Variants in ACSL6 observed in about 807,000 individuals in gnomAD.
ACSL6 encodes long-chain-fatty-acid--CoA ligase 6.
A neutral mutation model predicts 98.2 loss-of-function variants in ACSL6; 47 were observed. That is an observed-to-expected ratio of 0.48 (90% CI 0.38 to 0.61). ACSL6 has a LOEUF of 0.61. ACSL6 is among the 20% of genes least tolerant of loss of function. ACSL6 has a pLI of 0.00. For missense variants in ACSL6, 761 were observed against 913.4 expected (o/e 0.83, Z 2.15); for synonymous variants, 362 against 336.9 (o/e 1.07, Z -0.82).
At chr5:131,979,300 A>G (rs1013554426) in intron 9 of ACSL6, among the ~76,000 whole-genome samples, 3 of 152,216 alleles carry the variant, frequency 2.0e-5, no homozygotes, top group African/African-American at 7.2e-5. Flanking sequence ...TAGGTATGAA[A>G]TCAGAAGTGT....
Position 131,972,747 on chromosome 5 carries a change from C to A in ACSL6, c.1315G>T (p.Glu439Ter), listed in dbSNP as rs1753378612. 1 of 1,614,080 alleles carries A rather than the reference C, an allele frequency of 6.2e-7. No homozygotes were observed. The highest frequency in any genetic ancestry group is 8.5e-7 in the Non-Finnish European group (1 of 1,180,046). ...ACCTGAATCTTATTAAAGAAGAGTT[C>A]ATCCCAGATACTATCATTCCTGATG... is the stretch of plus-strand genomic sequence containing the variant. ...GIIRNDSIWDELFFNKIQASL... is the reference protein window; with the variant it reads ...GIIRNDSIWD Residue 439 changes from glutamate (E) to a stop codon, truncating the protein, a stop_gained, in exon 13 of 21, where the codon GAA becomes TAA. Transcript: ENST00000651883. LOFTEE classifies it high-confidence loss of function.
At chr5:131,982,584 C>T (rs1460441387) in intron 9 of ACSL6, 1 of 152,402 alleles carries the variant, frequency 6.6e-6, no homozygotes, top group Non-Finnish European at 1.5e-5. Context: ...GAACTCCTGT[C>T]CCATCATCTC....
chr5:131,985,666 C>G (rs1387854137), intron 8 of ACSL6, among the ~76,000 whole-genome samples: 1 of 152,194 alleles, frequency 6.6e-6, no homozygotes, highest in East Asian at 1.9e-4. Flanking sequence ...GCTGAGGAAA[C>G]CTAACTGGGG....
chr5:131,954,189 T>C lies in ACSL6; in HGVS notation c.*45A>G, dbSNP rs1752280221. ...TCATTACTTTCAAGAATAACTATAA[T>C]ATTGCTAGACAGTTCATTACACTGA... is the stretch of plus-strand genomic sequence containing the variant. On this transcript the variant is annotated 3_prime_UTR_variant, in exon 21 of 21. Coordinates refer to ENST00000651883, the MANE Select transcript of ACSL6 (RefSeq NM_001009185.3). The C allele has an allele frequency of 6.5e-7, 1 of 1,529,106 alleles. No homozygotes were observed. Among genetic ancestry groups the C allele is most frequent in the African/African-American group, 1.4e-5 (1 of 70,960 alleles). 94.7% of individuals were successfully genotyped at this position (1,529,106 alleles called of 1,614,324 possible).
chr5:132,011,080 C>CGGGTTACAT lies in ACSL6; in HGVS notation c.49+416_49+424dup, dbSNP rs1363580875. Reference sequence around the variant, plus strand: ...CGGGATCAGGAAGCCTAGGTCAGTCCGGGTTACATAGCTGACCTGCTGTGG... The same window carrying CGGGTTACAT: ...CGGGATCAGGAAGCCTAGGTCAGTCCGGGTTACATGGGTTACATAGCTGACCTGCTGTGG... On this transcript the variant is annotated intron_variant, in intron 1 of 20. Coordinates refer to ENST00000651883, the MANE Select transcript of ACSL6 (RefSeq NM_001009185.3). This position sits in a 1 kb window ranked among gnomAD's most constrained non-coding sequence, Gnocchi z 5.4. Among the ~76,000 whole-genome samples the CGGGTTACAT allele has an allele frequency of 6.6e-6, 1 of 152,116 alleles. No homozygotes were observed. Among genetic ancestry groups the CGGGTTACAT allele is most frequent in the Non-Finnish European group, 1.5e-5 (1 of 68,014 alleles).
At chr5:131,967,240 G>C (rs918636833) in intron 16 of ACSL6, among the ~76,000 whole-genome samples, 14 of 152,192 alleles carry the variant, frequency 9.2e-5, no homozygotes, top group African/African-American at 3.1e-4. Flanking sequence ...CTAGCTACTT[G>C]AGAGGCTGAA....
rs2126981726 is a variant in ACSL6 at position 132,011,291 on chromosome 5, C to T, written c.49+214G>A. On this transcript the variant is annotated intron_variant, in intron 1 of 20. Transcript: ENST00000651883. The surrounding 1 kb of genome is among the most constrained non-coding windows in gnomAD (Gnocchi z 5.4). ...CAGAGAGCAAGCCCTATATCTCCCT[C>T]CGCAGACCCAGGTGCTCCCCAAACC... Among the ~76,000 whole-genome samples the T allele has an allele frequency of 6.6e-6, 1 of 152,270 alleles. No homozygotes were observed. Among genetic ancestry groups the T allele is most frequent in the East Asian group, 1.9e-4 (1 of 5,166 alleles).
chr5:131,958,222 G>A (rs1333879269), intron 20 of ACSL6, among the ~76,000 whole-genome samples: 2 of 152,210 alleles, frequency 1.3e-5, no homozygotes, highest in African/African-American at 4.8e-5. Context: ...AGCAGGAGGC[G>A]TGAAGGCCTT....
chr5:132,008,418 A>T (rs1248079076), intron 1 of ACSL6, among the ~76,000 whole-genome samples: 4 of 152,178 alleles, frequency 2.6e-5, no homozygotes, highest in Admixed American at 6.5e-5. Context: ...GGCCAGCCCC[A>T]CTTCTCCTAA....
chr5:131,965,101 G>C (rs1025586712), intron 17 of ACSL6, among the ~76,000 whole-genome samples: 2 of 152,224 alleles, frequency 1.3e-5, no homozygotes, highest in African/African-American at 2.4e-5. Context: ...TCAAAGGGAA[G>C]TACACAGGCC....
chr5:131,968,123 G>T, intron 15 of ACSL6, 95 bp from the exon 16 acceptor site: 1 of 1,023,600 alleles, frequency 9.8e-7, no homozygotes, highest in Non-Finnish European at 1.5e-6. Context: ...AGTGGCCAAA[G>T]TGGGGAATTA....
chr5:131,995,013 G>A (rs988856269), intron 1 of ACSL6, among the ~76,000 whole-genome samples: 2 of 152,224 alleles, frequency 1.3e-5, no homozygotes, highest in African/African-American at 4.8e-5. Context: ...CTGGTAGGAA[G>A]AGAAACCACG....
chr5:131,995,794 G>A (rs1754768026), intron 1 of ACSL6, among the ~76,000 whole-genome samples: 1 of 152,232 alleles, frequency 6.6e-6, no homozygotes, highest in East Asian at 1.9e-4. Flanking sequence ...GCAAGGTTGA[G>A]CCTATCCTTC....
chr5:131,966,338 A>T (rs1389582250), intron 17 of ACSL6, 78 bp downstream of exon 17: 1 of 1,383,008 alleles, frequency 7.2e-7, no homozygotes, highest in African/African-American at 1.4e-5. Context: ...TTTGGAGAAG[A>T]CTCCTGCCTC....
intron 17 of ACSL6, among the ~76,000 whole-genome samples, chr5:131,965,172 C>G (rs759214964): frequency 2.0e-5 from 3 of 152,196 alleles, no homozygotes; most frequent in Non-Finnish European, 4.4e-5. Context: ...ACATCATTCA[C>G]GTGCCTCATT....
intron 16 of ACSL6, among the ~76,000 whole-genome samples, chr5:131,967,021 A>G (rs1286939120): frequency 6.6e-6 from 1 of 152,196 alleles, no homozygotes; most frequent in Non-Finnish European, 1.5e-5. Context: ...GCAGCAGGCC[A>G]TGACACAGTT....
At chr5:131,973,135 C>G in intron 12 of ACSL6, 131 bp downstream of exon 12, 1 of 1,260,002 alleles carries the variant, frequency 7.9e-7, no homozygotes, top group Non-Finnish European at 1.1e-6. Context: ...GAGTCAGGAA[C>G]TACAAGAGAG....
chr5:131,987,380 G>A (rs1465255145), intron 7 of ACSL6, among the ~76,000 whole-genome samples: 1 of 152,210 alleles, frequency 6.6e-6, no homozygotes, highest in South Asian at 2.1e-4. Flanking sequence ...GGGGCAGGTG[G>A]GGGCTGCCAG....
chr5:131,988,255 C>A, intron 6 of ACSL6, 29 bp from the exon 7 acceptor site: 1 of 1,610,180 alleles, frequency 6.2e-7, no homozygotes, highest in Non-Finnish European at 8.5e-7. Flanking sequence ...GAGAGTCAGG[C>A]CATGTGGGCC....
Sources: gnomAD v4.1 joint callset for allele counts (sites outside exome capture counted in the v4.1 genomes callset) on GRCh38, gnomAD v4.1.1 for gene constraint, Gnocchi (gnomAD v3.1) non-coding constraint, MANE v1.5 for transcripts, NCBI Gene and HGNC (gene_info 2026-07-23, HGNC 2026-07-21) for gene names.